LYST: variants seen among roughly 807,000 people sequenced by gnomAD.
LYST encodes the protein lysosomal trafficking regulator.
A neutral mutation model predicts 413.6 loss-of-function variants in LYST; 192 were observed. The ratio of observed to expected loss-of-function variants is 0.46; its 90% CI spans 0.41 to 0.52. LYST has a LOEUF of 0.52. LYST is among the 20% of genes least tolerant of loss of function. The pLI is 0.00. For missense variants in LYST, 3,815 were observed against 4,499.9 expected, an observed-to-expected ratio of 0.85 and a Z score of 4.35; for synonymous variants, 1,525 against 1,567.3, an observed-to-expected ratio of 0.97 and a Z score of 0.64.
At chr1:235,862,570 C>T (rs1431426111) in intron 1 of LYST, among the ~76,000 whole-genome samples, 1 of 152,018 alleles carries the variant, frequency 6.6e-6, no homozygotes, top group Non-Finnish European at 1.5e-5. Context: ...CCAAGATGGG[C>T]AGATCACTTG....
chr1:235,844,616 A>T (rs1176957405), intron 1 of LYST, among the ~76,000 whole-genome samples: 1 of 152,188 alleles, frequency 6.6e-6, no homozygotes, highest in Admixed American at 6.5e-5. Flanking sequence ...CTACCTCTAA[A>T]TGGTATCCAG....
chr1:235,776,905 C>A (rs376338659), intron 17 of LYST, among the ~76,000 whole-genome samples, 158 bp downstream of exon 17: 41 of 152,162 alleles, frequency 2.7e-4, no homozygotes, highest in African/African-American at 9.9e-4. Context: ...TCATCTATGG[C>A]AGAAAGCTTA....
At chr1:235,804,111 G>A (rs1393279163) in intron 7 of LYST, among the ~76,000 whole-genome samples, 2 of 151,972 alleles carry the variant, frequency 1.3e-5, no homozygotes, top group Admixed American at 6.6e-5. Context: ...AGAGAGTTCT[G>A]GAAATATTAG....
intron 40 of LYST, among the ~76,000 whole-genome samples, chr1:235,717,768 C>T (rs937841071): frequency 1.3e-5 from 2 of 151,832 alleles, no homozygotes; most frequent in African/African-American, 4.8e-5. Context: ...GTATTAAATG[C>T]ACTAATTTTG....
At chr1:235,874,965 C>T (rs1343866311) in intron 1 of LYST, among the ~76,000 whole-genome samples, 1 of 152,234 alleles carries the variant, frequency 6.6e-6, no homozygotes, top group East Asian at 1.9e-4. Context: ...GCAGCATCAG[C>T]ATTACCTGGG....
In LYST at chr1:235,666,476, G is replaced by C. The variant is rs139389248; in HGVS notation, c.11039-1855C>G. 7.3e-3 allele frequency among the ~76,000 whole-genome samples: 1,110 copies of C among 152,090 alleles called. 8 individuals are homozygous for C. Among genetic ancestry groups the C allele is most frequent in the Middle Eastern group, 0.034 (10 of 294 alleles). On this transcript the variant is annotated intron_variant, in intron 50 of 52. Transcript: ENST00000389793. ...TGGAAGCTGAGGGAGGAGGAATGGG[G>C]AAATAGTGGTGATGGCTGCACAACA...
At position 235,865,135 on chromosome 1, in the gene LYST, A is replaced by G. The variant is rs553688515; in HGVS notation, c.-98+1708T>C. 6.6e-5 allele frequency among the ~76,000 whole-genome samples: 10 copies of G among 152,328 alleles called. No individual in the cohort carries two copies. The East Asian group carries it at 1.7e-3, about 26-fold the overall frequency. On this transcript the variant is annotated intron_variant, in intron 1 of 52. Coordinates refer to ENST00000389793, the MANE Select transcript of LYST (RefSeq NM_000081.4). ...CTCTCTGCTGTCCTCAAACAAGCCCAGCACACAGGGCTTCTGCAAGCCCTT... is the reference window on the plus strand; with the variant it reads ...CTCTCTGCTGTCCTCAAACAAGCCCGGCACACAGGGCTTCTGCAAGCCCTT...
chr1:235,828,071 ATAC>A, intron 3 of LYST: 1 of 696,054 alleles, frequency 1.4e-6, no homozygotes, highest in Non-Finnish European at 1.8e-6. Flanking sequence ...CTACAATAAG[ATAC>A]TACTTCATAT....
intron 3 of LYST, among the ~76,000 whole-genome samples, chr1:235,821,295 G>A (rs1674722912): frequency 1.3e-5 from 2 of 152,112 alleles, no homozygotes; most frequent in African/African-American, 4.8e-5. Flanking sequence ...AAATTAGCTG[G>A]GCATAGTGAT....
chr1:235,877,680 A>G (rs1681200390), intron 1 of LYST, among the ~76,000 whole-genome samples: 2 of 152,154 alleles, frequency 1.3e-5, no homozygotes, highest in South Asian at 4.1e-4. Flanking sequence ...TGCTAGGATT[A>G]CAAGCGTGAG....
intron 50 of LYST, among the ~76,000 whole-genome samples, chr1:235,667,474 A>G (rs1458030657): frequency 2.6e-5 from 4 of 152,204 alleles, no homozygotes; most frequent in Non-Finnish European, 5.9e-5. Context: ...TATGATCAGG[A>G]GGAATGAGCT....
chr1:235,752,177 G>T lies in LYST; in HGVS notation c.7461-6C>A. On this transcript the variant is annotated splice_region_variant and splice_polypyrimidine_tract_variant and intron_variant, in intron 26 of 52. Transcript: ENST00000389793. ...TATATTCACTCATGGGAATGCTAAA[G>T]ATAACAACAAAAGAAGAAAACAGAA... 6.3e-7 allele frequency: 1 copy of T among 1,595,774 alleles called. No individual in the cohort carries two copies. The highest frequency in any genetic ancestry group is 1.7e-5 in the Admixed American group (1 of 59,818).
At chr1:235,716,641 G>C in intron 41 of LYST, 71 bp downstream of exon 41, 1 of 940,650 alleles carries the variant, frequency 1.1e-6, no homozygotes, top group East Asian at 2.4e-5. Context: ...TTTAAAATTA[G>C]GTAAAACACA....
chr1:235,696,798 C>A (rs577307551), intron 46 of LYST, among the ~76,000 whole-genome samples: 80 of 152,350 alleles, frequency 5.3e-4, no homozygotes, highest in African/African-American at 1.9e-3. Context: ...TGGGGCTCAA[C>A]AGCCTCAAAG....
chr1:235,664,108 A>C lies in LYST; in HGVS notation c.11196-53T>G. 7.8e-7 allele frequency: 1 copy of C among 1,283,038 alleles called. No homozygotes were observed. The highest frequency in any genetic ancestry group is 1.1e-6 in the Non-Finnish European group (1 of 879,114). 79.5% of individuals were successfully genotyped at this position (1,283,038 alleles called of 1,614,324 possible). A position where few individuals can be genotyped will look rare whatever the true frequency, so the allele number is the denominator to read the frequency against. ...TGCAAACTAAAATTACTCTCCCTAA[A>C]AAGCCCTCTATATTTGTTTATTTGT... On this transcript the variant is annotated intron_variant, in intron 51 of 52. Coordinates refer to ENST00000389793, the MANE Select transcript of LYST (RefSeq NM_000081.4). This position sits in a 1 kb window ranked among gnomAD's most constrained non-coding sequence, Gnocchi z 4.5.
chr1:235,696,557 T>C (rs1661118045), intron 46 of LYST, among the ~76,000 whole-genome samples: 1 of 152,226 alleles, frequency 6.6e-6, no homozygotes, highest in Admixed American at 6.5e-5. Context: ...TTTTCCAGTG[T>C]CTAGTTGACA....
intron 34 of LYST, among the ~76,000 whole-genome samples, chr1:235,731,612 G>A (rs1296745394): frequency 6.9e-6 from 1 of 144,780 alleles, no homozygotes; most frequent in Admixed American, 7.1e-5. Flanking sequence ...AGGCTGGAGT[G>A]CAGTGGCGTG....
chr1:235,862,231 C>T (rs6703768), intron 1 of LYST, among the ~76,000 whole-genome samples: 9,563 of 152,214 alleles, frequency 0.063, 998 homozygotes, highest in African/African-American at 0.22. Context: ...CTTTAAATGA[C>T]CAATTTGCTT....
At chr1:235,730,972 TTATC>T (rs771274608) in intron 35 of LYST, 29 bp from the exon 36 acceptor site, 6 of 1,605,864 alleles carry the variant, frequency 3.7e-6, no homozygotes, top group East Asian at 4.5e-5. Context: ...AATATTATCT[TTATC>T]TAATGACCAT....
Sources: gnomAD v4.1 joint callset for allele counts (sites outside exome capture counted in the v4.1 genomes callset) on GRCh38, gnomAD v4.1.1 for gene constraint, Gnocchi (gnomAD v3.1) non-coding constraint, MANE v1.5 for transcripts, NCBI Gene and HGNC (gene_info 2026-07-23, HGNC 2026-07-21) for gene names.